The following DCT variants were observed in gnomAD, a reference collection of about 807,000 sequenced individuals.
The protein encoded by DCT is L-dopachrome tautomerase.
DCT carries 47 observed loss-of-function variants against 53.0 expected under a neutral mutation model. The observed-to-expected ratio is 0.89, with a 90% CI of 0.70 to 1.13. The LOEUF is 1.13. DCT is among the 50% of genes most tolerant of loss of function. The pLI is 0.00. For synonymous variants in DCT, 244 were observed against 237.0 expected, an observed-to-expected ratio of 1.03 and a Z score of -0.27; for missense variants, 669 against 637.4, an observed-to-expected ratio of 1.05 and a Z score of -0.53.
chr13:94,506,067 T>C, the DCT span, among the ~76,000 whole-genome samples: 3 of 152,336 alleles, frequency 2.0e-5, no homozygotes, highest in Non-Finnish European at 4.4e-5. Flanking sequence ...TATTTTAAGC[T>C]GCTAAATTTG....
At chr13:94,518,820 C>T in the DCT span, among the ~76,000 whole-genome samples, 1 of 152,162 alleles carries the variant, frequency 6.6e-6, no homozygotes, top group African/African-American at 2.4e-5. Flanking sequence ...TGTCCCAAAT[C>T]CTTAGCATGG....
At position 94,437,054 on chromosome 13, in the gene DCT, A is replaced by G. The variant is rs367836939; in HGVS notation, c.*2844T>C. 1 of 10,674 alleles carries G rather than the reference A, an allele frequency of 9.4e-5. No individual in the cohort carries two copies. Among genetic ancestry groups the G allele is most frequent in the African/African-American group, 6.6e-4 (1 of 1,518 alleles). The allele number at this position is 10,674 out of a possible 1,614,324, so 0.7% of individuals were successfully genotyped here. ...AGGATTAGTCACTAAACTGTGGGGA[A>G]TATCAAAAGTAACTTCACCTGAGGA... On this transcript the variant is annotated 3_prime_UTR_variant, in exon 8 of 8. Coordinates refer to ENST00000377028, the MANE Select transcript of DCT (RefSeq NM_001922.5).
At chr13:94,520,556 A>G in the DCT span, among the ~76,000 whole-genome samples, 1 of 152,212 alleles carries the variant, frequency 6.6e-6, no homozygotes, top group African/African-American at 2.4e-5. Context: ...GGTGAATTCT[A>G]TCACAAAACA....
chr13:94,542,756 A>G, the DCT span, among the ~76,000 whole-genome samples: 1 of 152,354 alleles, frequency 6.6e-6, no homozygotes, highest in Middle Eastern at 3.4e-3. Context: ...ATTTACTTGC[A>G]TGAAAGTTAA....
chr13:94,456,679 C>T (rs1282858039), intron 6 of DCT, among the ~76,000 whole-genome samples: 1 of 152,180 alleles, frequency 6.6e-6, no homozygotes, highest in Non-Finnish European at 1.5e-5. Flanking sequence ...CTGAGAACAA[C>T]ATTTTCACCA....
chr13:94,442,801 T>C (rs998160896), intron 7 of DCT, among the ~76,000 whole-genome samples: 17 of 152,340 alleles, frequency 1.1e-4, no homozygotes, highest in African/African-American at 3.6e-4. Flanking sequence ...AAATGACTGA[T>C]TCAGTTATAA....
Position 94,462,049 on chromosome 13 carries a change from T to G in DCT, c.1004A>C (p.Asp335Ala), listed in dbSNP as rs778060068. The G allele has an allele frequency of 2.5e-6, 4 of 1,613,108 alleles. No homozygotes were observed. In the African/African-American group the frequency reaches 4.0e-5, roughly 16 times the overall value. The change falls in exon 5 of 8, where the codon GAC becomes GCC. Residue 335 changes from aspartate to alanine, a missense_variant. By Grantham distance (126) the Asp-to-Ala change is moderately radical (BLOSUM62 -2). Transcript: ENST00000377028. ...AGAGTTCTGGAAGAAGGGAGGATTG[T>G]CAAACTTCTGGAGAGACAGGCAATC... ...IRDCLSLQKF[D>A]NPPFFQNSTF...
At chr13:94,502,625 C>A in the DCT span, among the ~76,000 whole-genome samples, 3 of 152,306 alleles carry the variant, frequency 2.0e-5, no homozygotes, top group East Asian at 3.9e-4. Context: ...CTCTTTGTAG[C>A]TTTCTGACCC....
At chr13:94,538,215 C>A in the DCT span, among the ~76,000 whole-genome samples, 1 of 152,174 alleles carries the variant, frequency 6.6e-6, no homozygotes, top group Non-Finnish European at 1.5e-5. Context: ...GCTTACTGAG[C>A]CTGCAGGACC....
intron 1 of DCT, among the ~76,000 whole-genome samples, chr13:94,469,545 G>C (rs887309528): frequency 3.9e-5 from 6 of 152,208 alleles, no homozygotes; most frequent in Non-Finnish European, 8.8e-5. Context: ...CCAACTCCCT[G>C]ATCTCAGCCA....
At chr13:94,510,056 C>T in the DCT span, among the ~76,000 whole-genome samples, 1 of 152,074 alleles carries the variant, frequency 6.6e-6, no homozygotes, top group East Asian at 1.9e-4. Context: ...CTTGAAACTC[C>T]CCCTTTGTTT....
the DCT span, among the ~76,000 whole-genome samples, chr13:94,536,697 C>G: frequency 6.6e-6 from 1 of 152,276 alleles, no homozygotes; most frequent in African/African-American, 2.4e-5. Context: ...AATCCCAGCA[C>G]TTTGGGAGGC....
At chr13:94,460,889 T>A (rs557454889) in intron 5 of DCT, among the ~76,000 whole-genome samples, 124 of 152,316 alleles carry the variant, frequency 8.1e-4, no homozygotes, top group African/African-American at 2.7e-3. Context: ...AGATTAAAGA[T>A]CTTCTCCAAA....
intron 1 of DCT, among the ~76,000 whole-genome samples, chr13:94,478,432 G>A (rs1885244558): frequency 1.3e-5 from 2 of 152,094 alleles, no homozygotes; most frequent in South Asian, 4.2e-4. Context: ...AGCTGAGATA[G>A]CACCATTGCA....
In DCT at chr13:94,479,448, G is replaced by C. The variant is rs116765812; in HGVS notation, c.-193C>G. 7.4e-6 allele frequency: 4 copies of C among 538,546 alleles called. No individual in the cohort carries two copies. The highest frequency in any genetic ancestry group is 9.6e-6 in the Non-Finnish European group (3 of 313,862). 33.4% of individuals were successfully genotyped at this position (538,546 alleles called of 1,614,324 possible). On this transcript the variant is annotated 5_prime_UTR_variant, in exon 1 of 8. Coordinates refer to ENST00000377028, the MANE Select transcript of DCT (RefSeq NM_001922.5). ...CATGTGTGCACATGTGTACATGAAC[G>C]TGCACACACAATTTTATGTGATTCA...
chr13:94,539,808 GA>G, the DCT span, among the ~76,000 whole-genome samples: 6,999 of 150,516 alleles, frequency 0.046, 308 homozygotes, highest in African/African-American at 0.11. Context: ...GAATCGGTGA[GA>G]AAAAAAAAGG....
chr13:94,518,487 T>A, the DCT span, among the ~76,000 whole-genome samples: 1 of 152,220 alleles, frequency 6.6e-6, no homozygotes, highest in South Asian at 2.1e-4. Context: ...TACTGTCCAG[T>A]TATTCATGTC....
the DCT span, among the ~76,000 whole-genome samples, chr13:94,533,537 C>T: frequency 2.5e-4 from 38 of 152,304 alleles, 1 homozygote; most frequent in South Asian, 7.7e-3. Context: ...ATAATCCCAA[C>T]ACTTTGGGAA....
the DCT span, among the ~76,000 whole-genome samples, chr13:94,492,559 A>G: frequency 6.6e-6 from 1 of 152,226 alleles, no homozygotes; most frequent in African/African-American, 2.4e-5. Context: ...ACTGAATGAT[A>G]GACCATGACT....
Sources: gnomAD v4.1 joint callset for allele counts (sites outside exome capture counted in the v4.1 genomes callset) on GRCh38, gnomAD v4.1.1 for gene constraint, MANE v1.5 for transcripts, NCBI Gene and HGNC (gene_info 2026-07-23, HGNC 2026-07-21) for gene names.